The following EVL variants were observed in gnomAD, a reference collection of about 807,000 sequenced individuals.
EVL encodes Enah/Vasp-like.
In EVL, 21 loss-of-function variants were observed where a neutral mutation model predicts 59.6. That is an observed-to-expected ratio of 0.35 (90% CI 0.25 to 0.51). The LOEUF (loss-of-function observed/expected upper bound fraction) is 0.51. Ranked by LOEUF, EVL falls within the 20% of genes least tolerant of loss-of-function variation. EVL has a pLI of 0.97. For synonymous variants in EVL, 198 were observed against 203.5 expected (o/e 0.97, Z 0.23); for missense variants, 462 against 546.6 (o/e 0.85, Z 1.54).
intron 1 of EVL, among the ~76,000 whole-genome samples, chr14:100,054,183 T>A (rs2061691646): frequency 6.6e-6 from 1 of 150,950 alleles, no homozygotes. Context: ...GCCTCCCAAG[T>A]AGCTGGGATT....
chr14:100,073,883 C>G (rs1184207587), intron 1 of EVL, among the ~76,000 whole-genome samples: 1 of 152,066 alleles, frequency 6.6e-6, no homozygotes, highest in Non-Finnish European at 1.5e-5. Flanking sequence ...GGCACTTGCC[C>G]CTCAGTTCAG....
At chr14:100,054,587 C>T (rs2061697665) in intron 1 of EVL, among the ~76,000 whole-genome samples, 1 of 152,164 alleles carries the variant, frequency 6.6e-6, no homozygotes, top group Non-Finnish European at 1.5e-5. Context: ...CAACTAGGGA[C>T]ACCTCCTAGG....
chr14:99,991,003 G>A (rs2140177937), intron 1 of EVL, among the ~76,000 whole-genome samples: 1 of 152,168 alleles, frequency 6.6e-6, no homozygotes, highest in Middle Eastern at 3.4e-3. Flanking sequence ...CTGCTTATAT[G>A]CAGATTTTTT....
At chr14:100,095,718 G>A (rs1232717367) in intron 2 of EVL, among the ~76,000 whole-genome samples, 1 of 150,712 alleles carries the variant, frequency 6.6e-6, no homozygotes, top group Non-Finnish European at 1.5e-5. Context: ...AACAATTACA[G>A]GTTTTGTTGT....
rs544243197 is a variant in EVL at position 100,097,695 on chromosome 14, C to G, written c.358+37C>G. On this transcript the variant is annotated intron_variant, in intron 3 of 13. Coordinates refer to ENST00000392920, the MANE Select transcript of EVL (RefSeq NM_016337.3). ...TTTGTCTTGGCCTGATGCTGAGACC[C>G]TCTCTTGTTCTACCTCTGCCCTCCC... The G allele has an allele frequency of 2.4e-4, 380 of 1,555,574 alleles. 4 individuals are homozygous for G. The South Asian group carries it at 4.4e-3, about 18-fold the overall frequency.
intron 2 of EVL, among the ~76,000 whole-genome samples, chr14:100,088,233 A>G (rs1369625826): frequency 6.6e-6 from 1 of 152,208 alleles, no homozygotes; most frequent in East Asian, 1.9e-4. Context: ...AGCCTTTGCC[A>G]GTCTGTAGAT....
intron 3 of EVL, chr14:100,107,305 G>A (rs1886632314): frequency 2.5e-6 from 1 of 398,564 alleles, no homozygotes; most frequent in South Asian, 1.3e-4. Flanking sequence ...ACCACATAGT[G>A]GGAGTGAATT....
At chr14:100,046,335 G>GT (rs564354064) in intron 1 of EVL, among the ~76,000 whole-genome samples, 165 of 152,216 alleles carry the variant, frequency 1.1e-3, no homozygotes, top group African/African-American at 3.8e-3. Flanking sequence ...AAGGCATTGG[G>GT]TTATTTATTC....
intron 1 of EVL, chr14:100,019,303 T>C: frequency 4.4e-6 from 1 of 229,170 alleles, no homozygotes; most frequent in Non-Finnish European, 8.4e-6. Flanking sequence ...ACAGTTCTGG[T>C]AGGGGGTGGG....
At chr14:100,092,304 A>G (rs1366562653) in intron 2 of EVL, among the ~76,000 whole-genome samples, 2 of 152,214 alleles carry the variant, frequency 1.3e-5, no homozygotes, top group African/African-American at 2.4e-5. Context: ...TTACAAGTAC[A>G]TATGTCCACT....
intron 1 of EVL, among the ~76,000 whole-genome samples, chr14:100,048,176 A>G (rs1277486434): frequency 6.6e-6 from 1 of 152,230 alleles, no homozygotes; most frequent in Non-Finnish European, 1.5e-5. Context: ...ATCAGAATTA[A>G]AAACTATTAT....
chr14:100,016,094 AAATT>A lies in EVL; in HGVS notation c.5+44043_5+44046del, dbSNP rs1292169328. ...ACTCTGTCTCAAAAAAAAAAAAAAA[AAATT>A]AATTATTTATTAATTTAAAAATTTA... On this transcript the variant is annotated intron_variant, in intron 1 of 13. Transcript: ENST00000402714. 4.0e-5 allele frequency among the ~76,000 whole-genome samples: 6 copies of A among 150,310 alleles called. 1 individual carries two copies. The highest frequency in any genetic ancestry group is 2.6e-4 in the Admixed American group (4 of 15,184).
At chr14:100,117,167 G>A (rs1181684354) in intron 3 of EVL, among the ~76,000 whole-genome samples, 2 of 152,200 alleles carry the variant, frequency 1.3e-5, no homozygotes, top group Non-Finnish European at 2.9e-5. Flanking sequence ...AGAAGACTTT[G>A]CCAGTGAGAA....
At chr14:100,092,333 T>C (rs181502864) in intron 2 of EVL, among the ~76,000 whole-genome samples, 62 of 152,288 alleles carry the variant, frequency 4.1e-4, no homozygotes, top group Admixed American at 1.4e-3. Flanking sequence ...TGTATGAAAA[T>C]GTTCATAACA....
At chr14:100,112,905 T>C (rs775090877) in intron 3 of EVL, among the ~76,000 whole-genome samples, 5 of 152,224 alleles carry the variant, frequency 3.3e-5, no homozygotes, top group Non-Finnish European at 7.3e-5. Context: ...TGAGCACCTA[T>C]TCTGGGCCAT....
intron 1 of EVL, among the ~76,000 whole-genome samples, chr14:99,985,020 T>G (rs1314784641): frequency 1.3e-5 from 2 of 152,214 alleles, no homozygotes; most frequent in East Asian, 3.9e-4. Flanking sequence ...TAGTTTAGTT[T>G]GTATATAACA....
chr14:100,138,085 G>A (rs541077457), intron 11 of EVL: 53 of 542,734 alleles, frequency 9.8e-5, no homozygotes, highest in Middle Eastern at 4.9e-4. Flanking sequence ...GACTCACTAC[G>A]TGTGACAGTG....
chr14:100,006,394 C>A (rs2060982183), intron 1 of EVL, among the ~76,000 whole-genome samples: 1 of 151,176 alleles, frequency 6.6e-6, no homozygotes, highest in African/African-American at 2.4e-5. Flanking sequence ...AAGCAATTCT[C>A]CTGCGTCAGC....
rs1485915508 is a variant in EVL at position 100,034,873 on chromosome 14, T to C, written c.6-49814T>C. On this transcript the variant is annotated intron_variant, in intron 1 of 13. Coordinates refer to the EVL transcript ENST00000402714. ...ATATATTCGTTTTGAGTCTCCCTTATCTGTGAAATGTGGTAGTTGTGAGGA... is the reference window on the plus strand; with the variant it reads ...ATATATTCGTTTTGAGTCTCCCTTACCTGTGAAATGTGGTAGTTGTGAGGA... Among the ~76,000 whole-genome samples, 4 of 152,220 alleles carry C rather than the reference T, an allele frequency of 2.6e-5. 1 individual carries two copies. In the South Asian group the frequency reaches 8.3e-4, roughly 32 times the overall value.
Sources: gnomAD v4.1 joint callset for allele counts (sites outside exome capture counted in the v4.1 genomes callset) on GRCh38, gnomAD v4.1.1 for gene constraint, MANE v1.5 for transcripts, NCBI Gene and HGNC (gene_info 2026-07-23, HGNC 2026-07-21) for gene names.